LEPR: variants seen among roughly 807,000 people sequenced by gnomAD.
LEPR encodes leptin receptor, also known as OB receptor.
LEPR carries 56 observed loss-of-function variants against 114.7 expected under a neutral mutation model. That is an observed-to-expected ratio of 0.49 (90% CI 0.39 to 0.61). The LOEUF is 0.61. Ranked by LOEUF, LEPR falls within the 20% of genes least tolerant of loss-of-function variation. The probability of loss-of-function intolerance (pLI) is 0.00; values close to 1 mark genes in which losing one functional copy is unlikely to be tolerated. For missense variants in LEPR, 1,202 were observed against 1,352.9 expected (o/e 0.89, Z 1.75); for synonymous variants, 443 against 461.4 (o/e 0.96, Z 0.51).
chr1:65,422,252 G>GAGAC (rs1392194425), intron 1 of LEPR, among the ~76,000 whole-genome samples: 1 of 152,186 alleles, frequency 6.6e-6, no homozygotes, highest in Non-Finnish European at 1.5e-5. Flanking sequence ...TTTAGACATA[G>GAGAC]AGACATACAG....
At chr1:65,451,139 GT>G (rs1416124118) in intron 2 of LEPR, among the ~76,000 whole-genome samples, 9 of 152,076 alleles carry the variant, frequency 5.9e-5, no homozygotes, top group African/African-American at 1.7e-4. Context: ...TTTTTTTCTT[GT>G]AAATTACTTT....
chr1:65,471,687 T>TC (rs1266014904), intron 2 of LEPR, among the ~76,000 whole-genome samples: 1 of 152,146 alleles, frequency 6.6e-6, no homozygotes, highest in Admixed American at 6.5e-5. Flanking sequence ...TTCTATAGTG[T>TC]AGTCAGGGAA....
chr1:65,534,152 T>G (rs1650594518), intron 2 of LEPR, among the ~76,000 whole-genome samples: 1 of 152,166 alleles, frequency 6.6e-6, no homozygotes, highest in Non-Finnish European at 1.5e-5. Flanking sequence ...CTTTCTGCTT[T>G]CTTTATTTGC....
Position 65,610,099 on chromosome 1 carries a change from T to C in LEPR, c.1905T>C (p.Asp635=), listed in dbSNP as rs184729504. 11 of 1,614,194 alleles carry C rather than the reference T, an allele frequency of 6.8e-6. No individual in the cohort carries two copies. Among genetic ancestry groups the C allele is most frequent in the African/African-American group, 2.7e-5 (2 of 75,068 alleles). ...ATCCAGCCTACACAGTTGTCATGGATATAAAAGGTCTGCAGAGATTTTGTA... is the reference window on the plus strand; with the variant it reads ...ATCCAGCCTACACAGTTGTCATGGACATAAAAGGTCTGCAGAGATTTTGTA... ...WSNPAYTVVM[D]IKVPMRGPEF... The change falls in exon 13 of 20, where the codon GAT becomes GAC. Residue 635 remains aspartate, a synonymous_variant. Transcript: ENST00000349533.
Position 65,610,109 on chromosome 1 carries a change from C to T in LEPR, c.1912+3C>T. The T allele has an allele frequency of 6.2e-7, 1 of 1,614,154 alleles. No individual in the cohort carries two copies. The highest frequency in any genetic ancestry group is 8.5e-7 in the Non-Finnish European group (1 of 1,180,002). Reference sequence around the variant, plus strand: ...CACAGTTGTCATGGATATAAAAGGTCTGCAGAGATTTTGTAAATGTGTTTT... The same window carrying T: ...CACAGTTGTCATGGATATAAAAGGTTTGCAGAGATTTTGTAAATGTGTTTT... On this transcript the variant is annotated splice_donor_region_variant and intron_variant, in intron 13 of 19. Coordinates refer to ENST00000349533, the MANE Select transcript of LEPR (RefSeq NM_002303.6).
Position 65,641,482 on chromosome 1 carries a change from T to C in LEPR, c.*4467T>C, listed in dbSNP as rs1040120326. On this transcript the variant is annotated 3_prime_UTR_variant, in exon 20 of 20. Transcript: ENST00000349533. Reference sequence around the variant, plus strand: ...AAAGTCACAGAGAAAGCAGTGTACTTTATGACAGTATATTTATCTTTTTAT... The same window carrying C: ...AAAGTCACAGAGAAAGCAGTGTACTCTATGACAGTATATTTATCTTTTTAT... The C allele has an allele frequency of 6.6e-6, 1 of 152,240 alleles. No homozygotes were observed. The highest frequency in any genetic ancestry group is 6.5e-5 in the Admixed American group (1 of 15,286). The allele number at this position is 152,240 out of a possible 1,614,324, so 9.4% of individuals were successfully genotyped here. A position where few individuals can be genotyped will look rare whatever the true frequency, so the allele number is the denominator to read the frequency against.
At chr1:65,534,396 T>C (rs372258865) in intron 2 of LEPR, among the ~76,000 whole-genome samples, 31 of 152,306 alleles carry the variant, frequency 2.0e-4, no homozygotes, top group African/African-American at 7.0e-4. Context: ...CTTCATTTAA[T>C]ACTCTCTTGC....
chr1:65,515,238 C>T (rs1198712080), intron 2 of LEPR, among the ~76,000 whole-genome samples: 4 of 152,214 alleles, frequency 2.6e-5, no homozygotes, highest in Non-Finnish European at 4.4e-5. Context: ...TCTGCTGAAG[C>T]GGAAGAAAAC....
At chr1:65,517,206 G>A (rs1175169613) in intron 2 of LEPR, among the ~76,000 whole-genome samples, 1 of 152,210 alleles carries the variant, frequency 6.6e-6, no homozygotes, top group Non-Finnish European at 1.5e-5. Flanking sequence ...GGTGGTTCCT[G>A]CAGGGTATTG....
At chr1:65,553,161 T>A (rs1652539046) in intron 2 of LEPR, among the ~76,000 whole-genome samples, 1 of 152,222 alleles carries the variant, frequency 6.6e-6, no homozygotes, top group Non-Finnish European at 1.5e-5. Context: ...TTTTCCTTCA[T>A]TTCAACCTTG....
At chr1:65,531,414 T>TTCC (rs1650387940) in intron 2 of LEPR, among the ~76,000 whole-genome samples, 1 of 151,752 alleles carries the variant, frequency 6.6e-6, no homozygotes, top group Non-Finnish European at 1.5e-5. Context: ...TTCCTTTCCT[T>TTCC]TCCTTTCCTC....
intron 2 of LEPR, among the ~76,000 whole-genome samples, chr1:65,436,997 A>G (rs1021280416): frequency 1.3e-5 from 2 of 152,164 alleles, no homozygotes; most frequent in African/African-American, 4.8e-5. Context: ...CCTTCTCCTC[A>G]AAATTGTATG....
chr1:65,425,045 CTTTT>C (rs761851017), intron 1 of LEPR, among the ~76,000 whole-genome samples: 3 of 152,082 alleles, frequency 2.0e-5, no homozygotes, highest in Middle Eastern at 3.4e-3. Context: ...TTTTTTCTTT[CTTTT>C]TTATTTTAGT....
At chr1:65,594,171 A>G (rs376523927) in intron 6 of LEPR, among the ~76,000 whole-genome samples, 33 of 152,204 alleles carry the variant, frequency 2.2e-4, no homozygotes, top group African/African-American at 7.7e-4. Flanking sequence ...CCTTTAGGAC[A>G]TAGCATTTGA....
chr1:65,596,390 A>G (rs1656064634), intron 6 of LEPR, 58 bp from the exon 7 acceptor site: 1 of 1,592,322 alleles, frequency 6.3e-7, no homozygotes, highest in Non-Finnish European at 8.6e-7. Flanking sequence ...TATTTTATTC[A>G]GCTATAATTG....
intron 14 of LEPR, among the ~76,000 whole-genome samples, chr1:65,613,759 CA>C (rs754145031): frequency 0.034 from 1,101 of 32,310 alleles, 1 homozygote; most frequent in African/African-American, 0.055. Flanking sequence ...GACTCCGTCT[CA>C]AAAAAAAAAA....
chr1:65,432,723 GA>G (rs1646503488), intron 2 of LEPR: 3 of 800,338 alleles, frequency 3.7e-6, no homozygotes, highest in East Asian at 2.5e-4. Flanking sequence ...GAATAAGTGT[GA>G]TTTTTTTTTA....
rs551212825 is a variant in LEPR at position 65,544,617 on chromosome 1, T to A, written c.-20-20929T>A. ...ATTATTTTTAGATATGTTCCATCAATACCTAGTTTATTGAGCGTTTTTAGC... is the reference window on the plus strand; with the variant it reads ...ATTATTTTTAGATATGTTCCATCAAAACCTAGTTTATTGAGCGTTTTTAGC... On this transcript the variant is annotated intron_variant, in intron 2 of 19. Coordinates refer to ENST00000349533, the MANE Select transcript of LEPR (RefSeq NM_002303.6). 4.6e-5 allele frequency among the ~76,000 whole-genome samples: 7 copies of A among 151,922 alleles called. 2 individuals are homozygous for A. Among genetic ancestry groups the A allele is most frequent in the Admixed American group, 1.3e-4 (2 of 15,264 alleles).
intron 2 of LEPR, among the ~76,000 whole-genome samples, chr1:65,461,491 C>G (rs990561968): frequency 1.3e-5 from 2 of 152,164 alleles, no homozygotes; most frequent in African/African-American, 4.8e-5. Flanking sequence ...GACAGAAAAA[C>G]TTGAGCAACA....
Sources: allele counts gnomAD v4.1 joint callset (sites outside exome capture counted in the v4.1 genomes callset), GRCh38; gene constraint gnomAD v4.1.1; transcripts MANE v1.5; gene names NCBI Gene and HGNC (gene_info 2026-07-23, HGNC 2026-07-21).